The following LPP variants were observed in gnomAD, a reference collection of about 807,000 sequenced individuals.
The protein encoded by LPP is LIM domain containing preferred translocation partner in lipoma, also known as lipoma-preferred partner.
LPP carries 38 observed loss-of-function variants against 60.4 expected under a neutral mutation model. The observed-to-expected ratio is 0.63, with a 90% CI of 0.49 to 0.83. The LOEUF (loss-of-function observed/expected upper bound fraction) is 0.83, where lower values mean the gene tolerates loss of function less well. Ranked by LOEUF, LPP falls within the 40% of genes least tolerant of loss-of-function variation. The pLI, the probability that LPP is intolerant of heterozygous loss-of-function variation, is 0.00. For missense variants in LPP, 902 were observed against 783.6 expected (o/e 1.15, Z -1.80); for synonymous variants, 328 against 290.8 (o/e 1.13, Z -1.30).
chr3:188,373,804 T>A lies in LPP; in HGVS notation c.-10+32085T>A, dbSNP rs550220840. Among the ~76,000 whole-genome samples, 699 of 151,980 alleles carry A rather than the reference T, an allele frequency of 4.6e-3. 7 individuals are homozygous for A. The highest frequency in any genetic ancestry group is 0.016 in the African/African-American group (671 of 41,488). ...GCCCATGCCTATGTCCTGAATGGTA[T>A]TGCCTAGGTTTTCTTCTAGGGTTTT... On this transcript the variant is annotated intron_variant, in intron 3 of 11. Transcript: ENST00000617246.
At chr3:188,755,937 C>T (rs866679489) in intron 8 of LPP, among the ~76,000 whole-genome samples, 2 of 148,854 alleles carry the variant, frequency 1.3e-5, no homozygotes, top group Middle Eastern at 7.0e-3. Context: ...TGGAATGCCA[C>T]TATTCACCCA....
rs796891324 is a variant in LPP, at chr3:188,203,487, T to A, written c.-189-21918T>A. On this transcript the variant is annotated intron_variant, in intron 1 of 11. Transcript: ENST00000617246. ...TATATATTTTTAAATATATATATAT[T>A]TTTAAATATATATAAATATATATAT... Among the ~76,000 whole-genome samples, 302 of 67,472 alleles carry A rather than the reference T, an allele frequency of 4.5e-3. 1 individual carries two copies. The highest frequency in any genetic ancestry group is 0.013 in the South Asian group (23 of 1,762). The allele number at this position is 67,472 out of a possible 152,430, so 44.3% of individuals were successfully genotyped here. A position where few individuals can be genotyped will look rare whatever the true frequency, so the allele number is the denominator to read the frequency against.
intron 4 of LPP, among the ~76,000 whole-genome samples, chr3:188,424,528 C>T (rs1018990240): frequency 6.6e-6 from 1 of 152,042 alleles, no homozygotes; most frequent in South Asian, 2.1e-4. Context: ...AGCATTGAAT[C>T]TGTAAATTAC....
chr3:188,538,398 T>C (rs1461407629), intron 6 of LPP, among the ~76,000 whole-genome samples: 1 of 152,210 alleles, frequency 6.6e-6, no homozygotes, highest in Non-Finnish European at 1.5e-5. Flanking sequence ...TGAATAGACA[T>C]TTCCCTAAGG....
chr3:188,754,361 A>G (rs999055707), intron 8 of LPP, among the ~76,000 whole-genome samples: 3 of 152,222 alleles, frequency 2.0e-5, no homozygotes, highest in Admixed American at 6.5e-5. Flanking sequence ...ATTAGGGAGA[A>G]TACTCTCTCT....
intron 1 of LPP, among the ~76,000 whole-genome samples, chr3:188,197,340 G>A (rs1729818890): frequency 6.6e-6 from 1 of 152,132 alleles, no homozygotes; most frequent in Admixed American, 6.5e-5. Flanking sequence ...GTAGAATAAG[G>A]ATGGTAATCT....
chr3:188,543,058 C>A lies in LPP; in HGVS notation c.429+18271C>A, dbSNP rs187165590. ...CTGCTCTTTGCAATTCAGCCTGTTG[C>A]AGTGAAGCTCTGACATGTCTTTCCT... On this transcript the variant is annotated intron_variant, in intron 6 of 11. Coordinates refer to ENST00000617246, the MANE Select transcript of LPP (RefSeq NM_001375462.1). 5.7e-4 allele frequency among the ~76,000 whole-genome samples: 87 copies of A among 152,292 alleles called. 1 individual carries two copies. The South Asian group carries it at 0.014, about 25-fold the overall frequency.
chr3:188,163,736 G>A (rs895207076), intron 1 of LPP, among the ~76,000 whole-genome samples: 1 of 150,024 alleles, frequency 6.7e-6, no homozygotes, highest in African/African-American at 2.5e-5. Context: ...GAGGTCAGGA[G>A]TTTGAGACCA....
At chr3:188,869,598 G>C (rs1463272791) in intron 10 of LPP, among the ~76,000 whole-genome samples, 1 of 152,158 alleles carries the variant, frequency 6.6e-6, no homozygotes, top group Non-Finnish European at 1.5e-5. Context: ...GCCTTAGTCT[G>C]CGTTTTAAAC....
chr3:188,342,948 T>C (rs1451308271), intron 3 of LPP, among the ~76,000 whole-genome samples: 1 of 152,136 alleles, frequency 6.6e-6, no homozygotes, highest in African/African-American at 2.4e-5. Context: ...TTATTTTTAT[T>C]ATTATTTATT....
rs1482853944 is a variant in LPP at position 188,607,820 on chromosome 3, CTTAT to C, written c.430-1336_430-1333del. On this transcript the variant is annotated intron_variant, in intron 6 of 11. Coordinates refer to ENST00000617246, the MANE Select transcript of LPP (RefSeq NM_001375462.1). ...TATAGAAATTTACATATACAGATTA[CTTAT>C]TTATCTATGATTTGTTATGTGTATA... is the stretch of plus-strand genomic sequence containing the variant. Among the ~76,000 whole-genome samples, 16 of 152,236 alleles carry C rather than the reference CTTAT, an allele frequency of 1.1e-4. No individual in the cohort carries two copies. In the East Asian group the frequency reaches 3.1e-3, roughly 29 times the overall value.
intron 3 of LPP, among the ~76,000 whole-genome samples, chr3:188,350,143 T>G (rs979948430): frequency 6.6e-6 from 1 of 152,182 alleles, no homozygotes; most frequent in African/African-American, 2.4e-5. Flanking sequence ...CAACGTGACT[T>G]AGTAATCATT....
chr3:188,306,369 G>A (rs1751549549), intron 2 of LPP, among the ~76,000 whole-genome samples: 1 of 152,008 alleles, frequency 6.6e-6, no homozygotes, highest in Admixed American at 6.6e-5. Context: ...GATTACAGGT[G>A]TGAGCCACCG....
intron 8 of LPP, among the ~76,000 whole-genome samples, chr3:188,756,152 A>C (rs573256782): frequency 6.6e-6 from 1 of 152,290 alleles, no homozygotes; most frequent in African/African-American, 2.4e-5. Context: ...CACATTGCTG[A>C]GGTTGCTATA....
At chr3:188,434,063 C>T (rs947992621) in intron 4 of LPP, among the ~76,000 whole-genome samples, 5 of 152,014 alleles carry the variant, frequency 3.3e-5, no homozygotes, top group Admixed American at 1.3e-4. Flanking sequence ...AATAGGAAGA[C>T]GAAGTCTACA....
intron 4 of LPP, among the ~76,000 whole-genome samples, chr3:188,443,863 C>A (rs1307743958): frequency 6.6e-6 from 1 of 152,096 alleles, no homozygotes; most frequent in African/African-American, 2.4e-5. Flanking sequence ...ATTTTTCATC[C>A]CTTAGCTTTC....
At chr3:188,674,965 A>G (rs1057356072) in intron 7 of LPP, among the ~76,000 whole-genome samples, 7 of 152,240 alleles carry the variant, frequency 4.6e-5, no homozygotes, top group Admixed American at 1.3e-4. Context: ...ATTGTGTTGC[A>G]TAAGTCCTTG....
At chr3:188,712,833 T>C (rs1166820081) in intron 8 of LPP, 1 of 147,700 alleles carries the variant, frequency 6.8e-6, no homozygotes, top group Non-Finnish European at 1.5e-5. Context: ...AAATAAATGA[T>C]GTCAACAGAG....
intron 3 of LPP, among the ~76,000 whole-genome samples, chr3:188,389,513 C>T (rs892741612): frequency 2.0e-5 from 3 of 152,068 alleles, no homozygotes; most frequent in Non-Finnish European, 4.4e-5. Flanking sequence ...TGGTGGCTCA[C>T]GTCTGTAATC....
Sources: gnomAD v4.1 joint callset for allele counts (sites outside exome capture counted in the v4.1 genomes callset) on GRCh38, gnomAD v4.1.1 for gene constraint, MANE v1.5 for transcripts, NCBI Gene and HGNC (gene_info 2026-07-23, HGNC 2026-07-21) for gene names.